The following EFCAB8 variants were observed in gnomAD, a reference collection of about 807,000 sequenced individuals.
EFCAB8 encodes the protein EF-hand calcium-binding domain-containing protein 8.
Under a neutral mutation model 116.3 loss-of-function variants are expected in EFCAB8, and 100 were observed. The observed-to-expected ratio is 0.86, with a 90% CI of 0.73 to 1.02. EFCAB8 has a LOEUF of 1.02. Ranked by LOEUF, EFCAB8 falls within the 50% of genes least tolerant of loss-of-function variation. The pLI is 0.00. For missense variants in EFCAB8, 1,320 were observed against 1,416.9 expected (o/e 0.93, Z 1.10); for synonymous variants, 558 against 567.9 (o/e 0.98, Z 0.25).
At chr20:32,892,863 C>CA (rs1985984107) in intron 8 of EFCAB8, among the ~76,000 whole-genome samples, 1 of 144,928 alleles carries the variant, frequency 6.9e-6, no homozygotes, top group Non-Finnish European at 1.5e-5. Flanking sequence ...TTTTATGACT[C>CA]AGAGTCTCAC....
Position 32,917,491 on chromosome 20 carries a change from T to C in EFCAB8, c.2047T>C (p.Leu683=). The part of the protein sequence containing the change: ...NFNASRSPSP[L]QPKRVQDVNN... ...CAATGCCTCTAGGAGCCCCTCGCCC[T>C]TGCAGCCCAAGAGGGTATGTTAACA... Residue 683 remains leucine (L), a synonymous_variant, in exon 18 of 27, where the codon TTG becomes CTG. Transcript: ENST00000400522. The C allele has an allele frequency of 6.4e-7, 1 of 1,551,652 alleles. No homozygotes were observed. Among genetic ancestry groups the C allele is most frequent in the East Asian group, 2.4e-5 (1 of 40,910 alleles).
At chr20:32,873,455 T>A (rs1261565415) in intron 3 of EFCAB8, among the ~76,000 whole-genome samples, 1 of 152,020 alleles carries the variant, frequency 6.6e-6, no homozygotes, top group Non-Finnish European at 1.5e-5. Context: ...TGCAGACAGA[T>A]CCCCTTATAG....
intron 22 of EFCAB8, among the ~76,000 whole-genome samples, chr20:32,941,997 G>C (rs1001261619): frequency 5.9e-5 from 9 of 152,120 alleles, no homozygotes; most frequent in Non-Finnish European, 1.2e-4. Flanking sequence ...GTATGTAAAA[G>C]AACATAAGTC....
intron 22 of EFCAB8, among the ~76,000 whole-genome samples, chr20:32,934,013 C>CTT (rs112853872): frequency 0.11 from 15,848 of 140,524 alleles, 1,091 homozygotes; most frequent in African/African-American, 0.17. Context: ...AAATCAAAAA[C>CTT]TTTTTTTTTT....
chr20:32,924,418 A>G (rs1987591418), intron 20 of EFCAB8, among the ~76,000 whole-genome samples: 1 of 152,158 alleles, frequency 6.6e-6, no homozygotes, highest in South Asian at 2.1e-4. Context: ...ATGTACTATT[A>G]TTATTTATTT....
intron 20 of EFCAB8, among the ~76,000 whole-genome samples, chr20:32,927,163 C>T (rs1987707036): frequency 6.6e-6 from 1 of 152,040 alleles, no homozygotes; most frequent in South Asian, 2.1e-4. Context: ...AAAGTGTCAA[C>T]AAATTTCAAA....
intron 11 of EFCAB8, among the ~76,000 whole-genome samples, chr20:32,904,801 A>G (rs536896607): frequency 6.7e-6 from 1 of 148,446 alleles, no homozygotes; most frequent in Middle Eastern, 3.6e-3. Flanking sequence ...TAATTTTTGT[A>G]TTTTTAGTAG....
intron 13 of EFCAB8, 53 bp from the exon 14 acceptor site, chr20:32,908,222 G>A (rs1302656800): frequency 6.4e-6 from 8 of 1,247,146 alleles, no homozygotes; most frequent in Middle Eastern, 2.1e-4. Context: ...TTCAGGAGCC[G>A]GCTACATCCC....
intron 22 of EFCAB8, among the ~76,000 whole-genome samples, chr20:32,943,024 C>T (rs1212584113): frequency 6.6e-6 from 1 of 152,088 alleles, no homozygotes; most frequent in Non-Finnish European, 1.5e-5. Flanking sequence ...TCGAATAAGT[C>T]CTCCTTTATT....
At chr20:32,912,746 A>T (rs1169731076) in intron 16 of EFCAB8, 48 bp from the exon 17 acceptor site, 1 of 717,368 alleles carries the variant, frequency 1.4e-6, no homozygotes, top group Admixed American at 2.0e-5. Context: ...GCCCAGAGCC[A>T]TTTTCTCTGA....
At chr20:32,861,276 C>G (rs1484073817) in intron 1 of EFCAB8, among the ~76,000 whole-genome samples, 1 of 152,130 alleles carries the variant, frequency 6.6e-6, no homozygotes, top group African/African-American at 2.4e-5. Context: ...CCTACCCACT[C>G]CACTGAAACA....
chr20:32,918,619 C>T (rs915283015), intron 19 of EFCAB8, 45 bp downstream of exon 19: 51 of 1,531,704 alleles, frequency 3.3e-5, no homozygotes, highest in Non-Finnish European at 3.8e-5. Context: ...ACTCTCTAGC[C>T]GCCGGCGTTC....
chr20:32,892,180 T>C, intron 7 of EFCAB8, 33 bp from the exon 8 acceptor site: 2 of 1,536,038 alleles, frequency 1.3e-6, no homozygotes, highest in Non-Finnish European at 1.8e-6. Flanking sequence ...GGCATGGCTG[T>C]GGGCTCTATG....
intron 22 of EFCAB8, among the ~76,000 whole-genome samples, chr20:32,931,961 G>A (rs563643007): frequency 2.7e-4 from 41 of 152,324 alleles, no homozygotes; most frequent in Non-Finnish European, 4.1e-4. Context: ...TATTAGAAAT[G>A]ATTGTTTTTG....
rs868623980 is a variant in EFCAB8, at chr20:32,900,894, G to C, written c.1088+2271G>C. Among the ~76,000 whole-genome samples the C allele has an allele frequency of 1.3e-4, 20 of 152,174 alleles. 1 individual carries two copies. Among genetic ancestry groups the C allele is most frequent in the Admixed American group, 9.8e-4 (15 of 15,272 alleles). On this transcript the variant is annotated intron_variant, in intron 11 of 26. Coordinates refer to ENST00000400522, the MANE Select transcript of EFCAB8 (RefSeq NM_001143967.2). Reference sequence around the variant, plus strand: ...AATTTTTGTATTTTTAGTAGAGATGGGGTTTCACCATGTTGGCCAGGATGG... The same window carrying C: ...AATTTTTGTATTTTTAGTAGAGATGCGGTTTCACCATGTTGGCCAGGATGG...
At chr20:32,915,659 T>C (rs1207149853) in intron 17 of EFCAB8, among the ~76,000 whole-genome samples, 1 of 150,958 alleles carries the variant, frequency 6.6e-6, no homozygotes, top group East Asian at 1.9e-4. Flanking sequence ...ATCCATCCTC[T>C]ACCTATTACC....
chr20:32,859,161 C>T (rs929422903), intron 1 of EFCAB8, among the ~76,000 whole-genome samples, 155 bp downstream of exon 1: 4 of 152,184 alleles, frequency 2.6e-5, no homozygotes, highest in Admixed American at 6.5e-5. Context: ...TCTACAAATT[C>T]GTACAAACCA....
In EFCAB8 at chr20:32,917,373, G is replaced by T. The variant is rs1156958756; in HGVS notation, c.1929G>T (p.Met643Ile). 6.4e-7 allele frequency: 1 copy of T among 1,551,806 alleles called. No homozygotes were observed. Among genetic ancestry groups the T allele is most frequent in the Non-Finnish European group, 8.7e-7 (1 of 1,146,988 alleles). The change falls in exon 18 of 27, where the codon ATG becomes ATT. Residue 643 changes from methionine to isoleucine, a missense_variant. Met to Ile is a conservative substitution (Grantham distance 10). Transcript: ENST00000400522. ...QTYHTEDILS[M>I]AKYRNQFLGT... The stretch of plus-strand genomic sequence containing the variant: ...ACCACACGGAGGACATCCTGAGCAT[G>T]GCCAAGTACCGGAACCAGTTCCTTG...
intron 16 of EFCAB8, among the ~76,000 whole-genome samples, chr20:32,912,430 C>CAAAAAA (rs762528188): frequency 2.4e-5 from 2 of 81,652 alleles, no homozygotes; most frequent in African/African-American, 1.2e-4. Flanking sequence ...GAAACTCTGT[C>CAAAAAA]AAAAAAAAAA....
Sources: allele counts gnomAD v4.1 joint callset (sites outside exome capture counted in the v4.1 genomes callset), GRCh38; gene constraint gnomAD v4.1.1; transcripts MANE v1.5; gene names NCBI Gene and HGNC (gene_info 2026-07-23, HGNC 2026-07-21).